The following JHY variants were observed in gnomAD, a reference collection of about 807,000 sequenced individuals.
JHY encodes jhy protein homolog.
In JHY, 69 loss-of-function variants were observed where a neutral mutation model predicts 78.0. The observed-to-expected ratio is 0.88, with a 90% confidence interval of 0.73 to 1.08. The LOEUF is 1.08. JHY is among the 50% of genes least tolerant of loss of function. The pLI is 0.00. For missense variants in JHY, 944 were observed against 927.8 expected, an observed-to-expected ratio of 1.02 and a Z score of -0.23; for synonymous variants, 368 against 342.6, an observed-to-expected ratio of 1.07 and a Z score of -0.82.
At chr11:122,928,553 G>GGA (rs1555055359) in intron 4 of JHY, among the ~76,000 whole-genome samples, 26 of 136,326 alleles carry the variant, frequency 1.9e-4, no homozygotes, top group Non-Finnish European at 3.0e-4. Context: ...AAGATACGGG[G>GGA]AAAAAAAAAA....
Position 122,960,459 on chromosome 11 carries a change from C to T in JHY, c.*1014C>T. ...AGGGAAGCCACTCCTTGCCCCTCTA[C>T]CACCTCTTCCTTCCTTTTCCTATAG... On this transcript the variant is annotated 3_prime_UTR_variant, in exon 9 of 9. Coordinates refer to ENST00000227349, the MANE Select transcript of JHY (RefSeq NM_024806.4). 1 of 238,314 alleles carries T rather than the reference C, an allele frequency of 4.2e-6. No homozygotes were observed. The allele number at this position is 238,314 out of a possible 1,614,324, so 14.8% of individuals were successfully genotyped here.
chr11:122,955,689 A>G (rs1290035075), intron 6 of JHY, among the ~76,000 whole-genome samples: 2 of 152,210 alleles, frequency 1.3e-5, no homozygotes, highest in Admixed American at 6.5e-5. Context: ...GAGTCTTGCC[A>G]AGACTCTCAA....
intron 5 of JHY, among the ~76,000 whole-genome samples, chr11:122,943,275 A>T (rs7114175): frequency 0.48 from 73,658 of 152,098 alleles, 18,138 homozygotes; most frequent in Middle Eastern, 0.55. Flanking sequence ...TATTTTAGAT[A>T]TATTTATTGT....
At chr11:122,906,393 A>G (rs958789334) in intron 3 of JHY, among the ~76,000 whole-genome samples, 7 of 152,088 alleles carry the variant, frequency 4.6e-5, no homozygotes, top group Admixed American at 6.6e-5. Context: ...TGGGGGTCTC[A>G]TCATGTTGCC....
At chr11:122,930,501 GA>G (rs1031857465) in intron 4 of JHY, among the ~76,000 whole-genome samples, 3 of 152,136 alleles carry the variant, frequency 2.0e-5, no homozygotes, top group African/African-American at 7.2e-5. Flanking sequence ...GAAAGGGCGA[GA>G]AAAGAGAGAA....
intron 4 of JHY, among the ~76,000 whole-genome samples, chr11:122,933,940 A>G (rs999571029): frequency 6.6e-5 from 10 of 152,166 alleles, no homozygotes; most frequent in African/African-American, 1.9e-4. Flanking sequence ...CTCATCCCCC[A>G]AGTTGGCAAC....
At chr11:122,907,474 A>G (rs117087701) in intron 3 of JHY, among the ~76,000 whole-genome samples, 2,806 of 152,230 alleles carry the variant, frequency 0.018, 47 homozygotes, top group Middle Eastern at 0.031. Flanking sequence ...CTTGAAGTTT[A>G]TATGGGGGGA....
chr11:122,892,004 A>G (rs1435120008), intron 2 of JHY, among the ~76,000 whole-genome samples: 1 of 152,256 alleles, frequency 6.6e-6, no homozygotes, highest in Non-Finnish European at 1.5e-5. Context: ...TCAGGAAAGT[A>G]ATAAACATTT....
chr11:122,920,203 A>G (rs1052538405), intron 3 of JHY, among the ~76,000 whole-genome samples: 1 of 152,266 alleles, frequency 6.6e-6, no homozygotes, highest in Non-Finnish European at 1.5e-5. Flanking sequence ...TCCTTAGCCA[A>G]GTTAATGGAG....
intron 6 of JHY, among the ~76,000 whole-genome samples, chr11:122,948,490 A>G (rs1864014532): frequency 6.6e-6 from 1 of 150,638 alleles, no homozygotes; most frequent in African/African-American, 2.4e-5. Context: ...GATTTCTACT[A>G]GGAACTTGGA....
chr11:122,901,411 A>G (rs563977811), intron 2 of JHY, among the ~76,000 whole-genome samples: 9 of 152,224 alleles, frequency 5.9e-5, no homozygotes, highest in African/African-American at 1.7e-4. Flanking sequence ...ATATTTCTTC[A>G]TTAATAAATT....
Position 122,907,283 on chromosome 11 carries a change from CGT to C in JHY, c.864+2848_864+2849del, listed in dbSNP as rs2135313436. Among the ~76,000 whole-genome samples, 2 of 151,206 alleles carry C rather than the reference CGT, an allele frequency of 1.3e-5. 1 individual carries two copies. The highest frequency in any genetic ancestry group is 4.2e-4 in the South Asian group (2 of 4,778). On this transcript the variant is annotated intron_variant, in intron 3 of 8. Coordinates refer to ENST00000227349, the MANE Select transcript of JHY (RefSeq NM_024806.4). Reference sequence around the variant, plus strand: ...TTTTGAACCGTTATTCATATGTAGACGTGTGTGTGTCTCTCCTCCCGATACAG... The same window carrying C: ...TTTTGAACCGTTATTCATATGTAGACGTGTGTGTCTCTCCTCCCGATACAG...
rs149285900 is a variant in JHY at position 122,904,384 on chromosome 11, G to A, written c.804G>A (p.Pro268=). ...AGCTCACTTTGGGATTACCCACCCC[G>A]AAAACGGACTCTTATCTTCAACTTC... ...KNKLTLGLPT[P]KTDSYLQLHN... The change falls in exon 3 of 9, where the codon CCG becomes CCA. Residue 268 remains proline, a synonymous_variant. Transcript: ENST00000227349. The A allele has an allele frequency of 1.4e-5, 22 of 1,613,956 alleles. No homozygotes were observed. The highest frequency in any genetic ancestry group is 1.7e-5 in the Non-Finnish European group (20 of 1,180,016).
chr11:122,886,153 G>A lies in JHY; in HGVS notation c.304G>A (p.Glu102Lys), dbSNP rs375177806. 2.5e-6 allele frequency: 4 copies of A among 1,613,740 alleles called. No homozygotes were observed. The highest frequency in any genetic ancestry group is 2.2e-5 in the East Asian group (1 of 44,892). Residue 102 changes from glutamate to lysine, a missense_variant, in exon 2 of 9, where the codon GAG (glutamate) becomes AAG (lysine). Transcript: ENST00000227349. ...TGGAAAAGCAGCTCAGATGGCTCGC[G>A]AGCAAAACCACCATACCTGGGACCA... ...ASGKAAQMAR[E>K]QNHHTWDQGA... is the part of the protein sequence containing the mutation.
chr11:122,907,947 G>A (rs1025947260), intron 3 of JHY, among the ~76,000 whole-genome samples: 3 of 151,134 alleles, frequency 2.0e-5, no homozygotes, highest in East Asian at 3.9e-4. Context: ...AACTCCTTGA[G>A]TATTTCTAAT....
chr11:122,920,137 C>T (rs1001980934), intron 3 of JHY, among the ~76,000 whole-genome samples: 6 of 152,030 alleles, frequency 3.9e-5, no homozygotes, highest in Non-Finnish European at 4.4e-5. Flanking sequence ...AGGTGTGAAT[C>T]GACACACAGC....
intron 2 of JHY, among the ~76,000 whole-genome samples, chr11:122,896,378 A>G (rs1382402131): frequency 8.2e-5 from 12 of 146,796 alleles, no homozygotes; most frequent in Admixed American, 6.2e-4. Flanking sequence ...AAATTTGCTG[A>G]GGCTAGAAAT....
rs186912816 is a variant in JHY at position 122,930,480 on chromosome 11, G to A, written c.979-3940G>A. 3.2e-4 allele frequency among the ~76,000 whole-genome samples: 48 copies of A among 152,220 alleles called. No homozygotes were observed. In the East Asian group the frequency reaches 7.9e-3, roughly 25 times the overall value. On this transcript the variant is annotated intron_variant, in intron 4 of 8. Transcript: ENST00000227349. Reference sequence around the variant, plus strand: ...AATACATTTACATGCTAGAAAGAACGAGAAACCAGAGAAAGGGCGAGAAAA... The same window carrying A: ...AATACATTTACATGCTAGAAAGAACAAGAAACCAGAGAAAGGGCGAGAAAA...
intron 5 of JHY, among the ~76,000 whole-genome samples, chr11:122,940,188 A>ATT (rs1431843946): frequency 1.3e-5 from 2 of 152,002 alleles, no homozygotes; most frequent in East Asian, 1.9e-4. Context: ...AAATACAAAA[A>ATT]TTTGCTGGGT....
Sources: allele counts gnomAD v4.1 joint callset (sites outside exome capture counted in the v4.1 genomes callset), GRCh38; gene constraint gnomAD v4.1.1; transcripts MANE v1.5; gene names NCBI Gene and HGNC (gene_info 2026-07-23, HGNC 2026-07-21).